KMO: variants seen among roughly 807,000 people sequenced by gnomAD.
The protein encoded by KMO is kynurenine 3-hydroxylase.
A neutral mutation model predicts 57.8 loss-of-function variants in KMO; 24 were observed. The ratio of observed to expected loss-of-function variants is 0.42; its 90% confidence interval spans 0.30 to 0.58. The LOEUF (loss-of-function observed/expected upper bound fraction) is 0.58, where lower values mean the gene tolerates loss of function less well. Ranked by LOEUF, KMO falls within the 20% of genes least tolerant of loss-of-function variation. The probability of loss-of-function intolerance (pLI) is 0.22; values close to 1 mark genes in which losing one functional copy is unlikely to be tolerated. For synonymous variants in KMO, 210 were observed against 193.6 expected (o/e 1.08, Z -0.70); for missense variants, 483 against 588.2 (o/e 0.82, Z 1.85).
At chr1:241,546,290 A>G (rs1392859522) in intron 1 of KMO, among the ~76,000 whole-genome samples, 2 of 152,162 alleles carry the variant, frequency 1.3e-5, no homozygotes, top group Non-Finnish European at 2.9e-5. Context: ...TGAGTCTGTC[A>G]AAAATTCTAC....
chr1:241,549,290 G>GA (rs1558415071), intron 2 of KMO, among the ~76,000 whole-genome samples: 5 of 138,998 alleles, frequency 3.6e-5, no homozygotes, highest in African/African-American at 8.1e-5. Flanking sequence ...AGAAAGAAAG[G>GA]AGAAAGAGCA....
At position 241,589,945 on chromosome 1, in the gene KMO, T is replaced by C; in HGVS notation, c.1099-67T>C. On this transcript the variant is annotated intron_variant, in intron 12 of 14. Coordinates refer to ENST00000366559, the MANE Select transcript of KMO (RefSeq NM_003679.5). ...TGCGATGAGTGGGAATGAAGAATAA[T>C]ACTAAGTCGCAGTGAGAAATAGCTG... 5.0e-6 allele frequency: 6 copies of C among 1,206,240 alleles called. No homozygotes were observed. In the East Asian group the frequency reaches 1.4e-4, roughly 28 times the overall value. 74.7% of individuals were successfully genotyped at this position (1,206,240 alleles called of 1,614,324 possible). A position where few individuals can be genotyped will look rare whatever the true frequency, so the allele number is the denominator to read the frequency against.
rs532302935 is a variant in KMO at position 241,560,418 on chromosome 1, A to C, written c.362-247A>C. Among the ~76,000 whole-genome samples the C allele has an allele frequency of 1.1e-4, 17 of 152,360 alleles. No individual in the cohort carries two copies. The South Asian group carries it at 3.3e-3, about 30-fold the overall frequency. On this transcript the variant is annotated intron_variant, in intron 5 of 14. Transcript: ENST00000366559. ...AGCAATGCAAGAGTTTGCACAATGG[A>C]ATCAGTTGGATGTTTTCTTTTTGAG...
chr1:241,581,986 T>C (rs909750349), intron 10 of KMO, among the ~76,000 whole-genome samples: 1 of 152,214 alleles, frequency 6.6e-6, no homozygotes, highest in African/African-American at 2.4e-5. Context: ...AGGTTTTGTT[T>C]GTCTGTGAAC....
intron 11 of KMO, 117 bp downstream of exon 11, chr1:241,586,853 G>A: frequency 1.4e-6 from 1 of 707,998 alleles, no homozygotes; most frequent in East Asian, 2.7e-5. Flanking sequence ...TATCTCCCCA[G>A]GATTACATAT....
intron 10 of KMO, among the ~76,000 whole-genome samples, chr1:241,583,343 G>A (rs1182836183): frequency 6.6e-5 from 10 of 152,198 alleles, no homozygotes; most frequent in African/African-American, 2.4e-5. Context: ...TAGTTAGCAG[G>A]TGGTGAACCC....
intron 2 of KMO, among the ~76,000 whole-genome samples, chr1:241,549,202 G>GA (rs1661277193): frequency 1.5e-4 from 3 of 19,926 alleles, no homozygotes; most frequent in African/African-American, 4.8e-4. Context: ...GAAAGAAAAG[G>GA]AAGAAAGAAA....
At chr1:241,576,626 G>A (rs1662529727) in intron 10 of KMO, among the ~76,000 whole-genome samples, 1 of 152,088 alleles carries the variant, frequency 6.6e-6, no homozygotes, top group Non-Finnish European at 1.5e-5. Flanking sequence ...TGAGAAGTCT[G>A]CATTAGTTTT....
chr1:241,556,309 C>T (rs533793948), intron 5 of KMO, among the ~76,000 whole-genome samples: 1 of 152,064 alleles, frequency 6.6e-6, no homozygotes, highest in Non-Finnish European at 1.5e-5. Context: ...AATTTTTTTA[C>T]ATTTTTTTTA....
In KMO at chr1:241,592,553, A is replaced by G. The variant is rs1663345319; in HGVS notation, c.*400A>G. On this transcript the variant is annotated 3_prime_UTR_variant, in exon 15 of 15. Coordinates refer to ENST00000366559, the MANE Select transcript of KMO (RefSeq NM_003679.5). ...AAATCACAACTTAACTAGCATGTTA[A>G]CTGCACTTTTCATTACGTGAATGGA... The G allele has an allele frequency of 5.5e-6, 1 of 180,288 alleles. No homozygotes were observed. Among genetic ancestry groups the G allele is most frequent in the African/African-American group, 2.4e-5 (1 of 41,838 alleles). The allele number at this position is 180,288 out of a possible 1,614,324, so 11.2% of individuals were successfully genotyped here.
intron 4 of KMO, among the ~76,000 whole-genome samples, chr1:241,553,613 C>T (rs998050013): frequency 2.0e-5 from 3 of 152,018 alleles, no homozygotes; most frequent in South Asian, 2.1e-4. Context: ...CGCTTGAGCC[C>T]GGGAGGTTGA....
At chr1:241,558,249 T>C (rs1470473347) in intron 5 of KMO, among the ~76,000 whole-genome samples, 1 of 152,216 alleles carries the variant, frequency 6.6e-6, no homozygotes, top group African/African-American at 2.4e-5. Flanking sequence ...CACCAGAAGT[T>C]CCCCAAATTG....
At chr1:241,544,705 A>G (rs1661081676) in intron 1 of KMO, among the ~76,000 whole-genome samples, 1 of 152,028 alleles carries the variant, frequency 6.6e-6, no homozygotes, top group African/African-American at 2.4e-5. Flanking sequence ...TTTTACATTG[A>G]TTTTTACCTG....
chr1:241,576,387 A>G (rs1025419080), intron 10 of KMO, among the ~76,000 whole-genome samples: 6 of 152,026 alleles, frequency 3.9e-5, no homozygotes, highest in Admixed American at 1.3e-4. Context: ...GAGTTTCTAT[A>G]CTTGTGCATA....
rs1182030118 is a variant in KMO at position 241,595,486 on chromosome 1, TG to T, written c.*3337del. On this transcript the variant is annotated 3_prime_UTR_variant, in exon 15 of 15. Transcript: ENST00000366559. ...ACTCTGTATTAATTCACTGAAATGT[TG>T]GGGTTGCTTGTTATAGTAGTCGGTC... The T allele has an allele frequency of 6.6e-6, 1 of 152,234 alleles. No individual in the cohort carries two copies. Among genetic ancestry groups the T allele is most frequent in the African/African-American group, 2.4e-5 (1 of 41,458 alleles). The allele number at this position is 152,234 out of a possible 1,614,324, so 9.4% of individuals were successfully genotyped here.
chr1:241,539,755 C>T (rs979028647), intron 1 of KMO, among the ~76,000 whole-genome samples: 16 of 152,254 alleles, frequency 1.1e-4, no homozygotes, highest in Non-Finnish European at 1.9e-4. Context: ...TCCATTCCCC[C>T]ACTAGTAATA....
chr1:241,548,783 A>G (rs773495621), intron 1 of KMO, 46 bp from the exon 2 acceptor site: 65 of 1,198,524 alleles, frequency 5.4e-5, no homozygotes, highest in Middle Eastern at 1.9e-4. Context: ...AAAATTCCCT[A>G]TATTTGTGGA....
At position 241,595,529 on chromosome 1, in the gene KMO, A is replaced by T. The variant is rs1663480851; in HGVS notation, c.*3376A>T. The T allele has an allele frequency of 6.6e-6, 1 of 152,228 alleles. No homozygotes were observed. The highest frequency in any genetic ancestry group is 2.4e-5 in the African/African-American group (1 of 41,456). 9.4% of individuals were successfully genotyped at this position (152,228 alleles called of 1,614,324 possible). ...TAGTCGGTCCATCATGACCAGTAAAACATAAATCAAAAGTTAATGTAATTG... is the reference window on the plus strand; with the variant it reads ...TAGTCGGTCCATCATGACCAGTAAATCATAAATCAAAAGTTAATGTAATTG... On this transcript the variant is annotated 3_prime_UTR_variant, in exon 15 of 15. Coordinates refer to ENST00000366559, the MANE Select transcript of KMO (RefSeq NM_003679.5).
At position 241,534,012 on chromosome 1, in the gene KMO, C is replaced by A. The variant is rs187792472; in HGVS notation, c.54+1514C>A. 7.1e-3 allele frequency among the ~76,000 whole-genome samples: 1,076 copies of A among 152,294 alleles called. 8 individuals carry two copies. The highest frequency in any genetic ancestry group is 0.013 in the South Asian group (65 of 4,822). On this transcript the variant is annotated intron_variant, in intron 1 of 14. Coordinates refer to ENST00000366559, the MANE Select transcript of KMO (RefSeq NM_003679.5). ...AAAGAAAGGCAGGAACTGCCTGAGG[C>A]CAGAGAAGAGTAGCTGATGAGGCCA...
Sources: allele counts gnomAD v4.1 joint callset (sites outside exome capture counted in the v4.1 genomes callset), GRCh38; gene constraint gnomAD v4.1.1; transcripts MANE v1.5; gene names NCBI Gene and HGNC (gene_info 2026-07-23, HGNC 2026-07-21).